Variants in RBBP8 observed in about 807,000 individuals in gnomAD.
RBBP8 encodes RB binding protein 8, endonuclease.
Under a neutral mutation model 108.3 loss-of-function variants are expected in RBBP8, and 88 were observed. The observed-to-expected ratio is 0.81, with a 90% CI of 0.68 to 0.97. The LOEUF (loss-of-function observed/expected upper bound fraction) is 0.97. Among genes scored for constraint, RBBP8 ranks in the 50% least tolerant of loss-of-function variants. The pLI, the probability that RBBP8 is intolerant of heterozygous loss-of-function variation, is 0.00. For missense variants in RBBP8, 1,023 were observed against 1,049.0 expected (o/e 0.98, Z 0.34); for synonymous variants, 332 against 348.2 (o/e 0.95, Z 0.52).
chr18:22,939,753 A>G (rs527652958), intron 2 of RBBP8, among the ~76,000 whole-genome samples: 4 of 152,192 alleles, frequency 2.6e-5, no homozygotes, highest in Admixed American at 6.5e-5. Context: ...GCTTTAAGGG[A>G]ATTTCTAGTC....
intron 4 of RBBP8, among the ~76,000 whole-genome samples, chr18:22,962,257 CTT>C (rs1435970084): frequency 6.6e-6 from 1 of 151,934 alleles, no homozygotes; most frequent in East Asian, 1.9e-4. Context: ...TGATTTTCCT[CTT>C]TGCTTTACTC....
At chr18:23,015,398 A>C (rs2046238854) in intron 16 of RBBP8, among the ~76,000 whole-genome samples, 1 of 152,134 alleles carries the variant, frequency 6.6e-6, no homozygotes, top group African/African-American at 2.4e-5. Context: ...TTTACCTCCT[A>C]ACCTAATTGT....
At chr18:22,992,376 A>G (rs1275393049) in intron 10 of RBBP8, among the ~76,000 whole-genome samples, 1 of 152,062 alleles carries the variant, frequency 6.6e-6, no homozygotes, top group Non-Finnish European at 1.5e-5. Flanking sequence ...TTGTATTTTT[A>G]GTAGAGATGG....
At chr18:22,952,552 CAT>C (rs1912130960) in intron 4 of RBBP8, among the ~76,000 whole-genome samples, 3 of 152,160 alleles carry the variant, frequency 2.0e-5, no homozygotes, top group African/African-American at 7.2e-5. Flanking sequence ...TTTAATAAGA[CAT>C]ATACTATCTC....
At chr18:22,943,101 A>G (rs1277698514) in intron 2 of RBBP8, among the ~76,000 whole-genome samples, 3 of 152,016 alleles carry the variant, frequency 2.0e-5, no homozygotes, top group African/African-American at 7.3e-5. Context: ...TAAAAAGAGA[A>G]CATTATCTTA....
chr18:22,936,434 AT>A (rs1378848880), intron 1 of RBBP8, among the ~76,000 whole-genome samples: 1 of 152,140 alleles, frequency 6.6e-6, no homozygotes, highest in Non-Finnish European at 1.5e-5. Flanking sequence ...TGGTAAATTA[AT>A]ACTGACCATG....
At chr18:22,982,036 T>C (rs1167487075) in intron 6 of RBBP8, among the ~76,000 whole-genome samples, 182 bp from the exon 7 acceptor site, 1 of 152,242 alleles carries the variant, frequency 6.6e-6, no homozygotes, top group Non-Finnish European at 1.5e-5. Context: ...ACTTCTCACA[T>C]AGTATTTCCC....
chr18:22,985,221 A>C (rs1287494284), intron 8 of RBBP8: 1 of 203,946 alleles, frequency 4.9e-6, no homozygotes, highest in African/African-American at 2.4e-5. Context: ...AGAAGGCTTT[A>C]CTGTGATTTA....
chr18:22,927,914 A>T (rs1909852890), intron 3 of RBBP8, among the ~76,000 whole-genome samples: 1 of 150,198 alleles, frequency 6.7e-6, no homozygotes, highest in Non-Finnish European at 1.5e-5. Flanking sequence ...AAAAAAAAAA[A>T]GCAGGAAAAC....
intron 2 of RBBP8, among the ~76,000 whole-genome samples, chr18:22,942,536 C>T (rs551641768): frequency 6.6e-5 from 10 of 151,996 alleles, no homozygotes; most frequent in East Asian, 3.9e-4. Flanking sequence ...CATTTATGAC[C>T]GAGTTTTTAT....
chr18:22,967,207 A>C (rs1303375482), intron 4 of RBBP8, among the ~76,000 whole-genome samples: 1 of 151,956 alleles, frequency 6.6e-6, no homozygotes, highest in East Asian at 1.9e-4. Context: ...TCTATGAAAA[A>C]TACAAAAAAT....
chr18:22,974,627 T>C (rs2144620358), intron 5 of RBBP8, among the ~76,000 whole-genome samples: 1 of 152,202 alleles, frequency 6.6e-6, no homozygotes, highest in South Asian at 2.1e-4. Flanking sequence ...GTCCGGCTGA[T>C]TTTTGTGTTT....
chr18:22,956,770 AAAGTTCT>A (rs1912589783), intron 4 of RBBP8, among the ~76,000 whole-genome samples: 1 of 152,216 alleles, frequency 6.6e-6, no homozygotes, highest in African/African-American at 2.4e-5. Context: ...TAGATAATAA[AAAGTTCT>A]AAGTTCTAAT....
At chr18:22,982,192 T>G in intron 6 of RBBP8, 26 bp from the exon 7 acceptor site, 1 of 1,603,332 alleles carries the variant, frequency 6.2e-7, no homozygotes, top group East Asian at 2.2e-5. Context: ...TGAATTGATT[T>G]TCTTTCCATT....
intron 4 of RBBP8, among the ~76,000 whole-genome samples, chr18:22,965,230 G>A (rs1913477674): frequency 6.6e-6 from 1 of 151,654 alleles, no homozygotes; most frequent in African/African-American, 2.4e-5. Flanking sequence ...GTTTGCTATG[G>A]TTTCTTATAA....
At chr18:22,939,305 G>A (rs369481601) in intron 2 of RBBP8, among the ~76,000 whole-genome samples, 26 of 152,236 alleles carry the variant, frequency 1.7e-4, no homozygotes, top group African/African-American at 5.8e-4. Context: ...TCAGGAGTTC[G>A]AGACCAGCCT....
chr18:22,929,730 G>A (rs80113721), upstream of RBBP8, among the ~76,000 whole-genome samples: 306 of 152,178 alleles, frequency 2.0e-3, 1 homozygote, highest in African/African-American at 7.0e-3. Flanking sequence ...TCGTAGGGTT[G>A]AGAAAGAAAA....
rs372240272 is a variant in RBBP8, at chr18:22,993,808, T to C, written c.1900T>C (p.Cys634Arg). 19 of 1,613,598 alleles carry C rather than the reference T, an allele frequency of 1.2e-5. No individual in the cohort carries two copies. The South Asian group carries it at 1.3e-4, about 11-fold the overall frequency. The change falls in exon 12 of 19, where the codon TGT becomes CGT. Residue 634 changes from cysteine (C) to arginine (R), a missense_variant. Physicochemically the swap from Cys to Arg is radical, Grantham distance 180 (BLOSUM62 -3). Transcript: ENST00000327155. ...TGCATCAGTTCTTCAGTTAAATCCATGTAGAACTGGTAAAATAAAGTCTCT... is the reference window on the plus strand; with the variant it reads ...TGCATCAGTTCTTCAGTTAAATCCACGTAGAACTGGTAAAATAAAGTCTCT... ...ELASVLQLNPCRTGKIKSLQN... is the reference protein window; with the variant it reads ...ELASVLQLNPRRTGKIKSLQN...
rs1350886792 is a variant in RBBP8 at position 22,937,125 on chromosome 18, G to C, written c.109+165G>C. The C allele has an allele frequency of 3.6e-6, 5 of 1,399,896 alleles. No homozygotes were observed. In the African/African-American group the frequency reaches 5.8e-5, roughly 16 times the overall value. 86.7% of individuals were successfully genotyped at this position (1,399,896 alleles called of 1,614,324 possible). A position where few individuals can be genotyped will look rare whatever the true frequency, so the allele number is the denominator to read the frequency against. ...GATAGATTGCATGTTGCTGGGGTTTGGTGTGCAAATGATTTCATCACCCAG... is the reference window on the plus strand; with the variant it reads ...GATAGATTGCATGTTGCTGGGGTTTCGTGTGCAAATGATTTCATCACCCAG... On this transcript the variant is annotated intron_variant, in intron 2 of 18. Coordinates refer to ENST00000327155, the MANE Select transcript of RBBP8 (RefSeq NM_002894.3).
Sources: gnomAD v4.1 joint callset for allele counts (sites outside exome capture counted in the v4.1 genomes callset) on GRCh38, gnomAD v4.1.1 for gene constraint, MANE v1.5 for transcripts, NCBI Gene and HGNC (gene_info 2026-07-23, HGNC 2026-07-21) for gene names.